The following SLC22A8 variants were observed in gnomAD, a reference collection of about 807,000 sequenced individuals.
SLC22A8 encodes the protein solute carrier family 22 member 8, also known as organic anion transporter 3.
A neutral mutation model predicts 48.4 loss-of-function variants in SLC22A8; 40 were observed. The ratio of observed to expected loss-of-function variants is 0.83; its 90% CI spans 0.64 to 1.08. The LOEUF (loss-of-function observed/expected upper bound fraction) is 1.08, where lower values mean the gene tolerates loss of function less well. Ranked by LOEUF, SLC22A8 falls within the 50% of genes least tolerant of loss-of-function variation. The pLI is 0.00. For missense variants in SLC22A8, 606 were observed against 699.0 expected, an observed-to-expected ratio of 0.87 and a Z score of 1.50; for synonymous variants, 268 against 286.3, an observed-to-expected ratio of 0.94 and a Z score of 0.65.
chr11:63,015,479 T>C (rs1026539092), intron 1 of SLC22A8, among the ~76,000 whole-genome samples: 3 of 152,202 alleles, frequency 2.0e-5, no homozygotes, highest in Non-Finnish European at 4.4e-5. Context: ...ATGTCCCCAG[T>C]TGCTCCAGGC....
chr11:63,014,487 G>A, intron 2 of SLC22A8, 139 bp downstream of exon 2: 1 of 717,204 alleles, frequency 1.4e-6, no homozygotes, highest in East Asian at 2.5e-5. Flanking sequence ...TCTGCACTCA[G>A]GTCCTTCCTC....
In SLC22A8 at chr11:62,994,582, CAGG is replaced by C; in HGVS notation, c.1173_1175del (p.Leu392del). ...TGAGAGCCAAGATGGCCCCTCCTGC[CAGG>C]AGCAGGGCAGCGGCCTGAGTGGTAT... On this transcript the variant is annotated inframe_deletion, in exon 8 of 11. Coordinates refer to ENST00000336232, the MANE Select transcript of SLC22A8 (RefSeq NM_004254.4). The C allele has an allele frequency of 6.2e-7, 1 of 1,613,448 alleles. No individual in the cohort carries two copies.
In SLC22A8 at chr11:62,993,603, G is replaced by A. The variant is rs1565293015; in HGVS notation, c.1350C>T (p.Asn450=). Residue 450 remains asparagine, a synonymous_variant, in exon 10 of 11, where the codon AAC becomes AAT. Transcript: ENST00000336232. ...CCATGCTTCCCACGCGGGTCCACAG[G>A]TTACTTACGCCCATACCTGTTTGCC... ...VIRQTGMGVS[N]LWTRVGSMVS... is the part of the protein sequence containing the mutation. 35 of 1,611,528 alleles carry A rather than the reference G, an allele frequency of 2.2e-5. No homozygotes were observed. Among genetic ancestry groups the A allele is most frequent in the Non-Finnish European group, 2.9e-5 (34 of 1,178,098 alleles).
chr11:63,006,853 C>T (rs532655392), intron 2 of SLC22A8, among the ~76,000 whole-genome samples: 7 of 151,928 alleles, frequency 4.6e-5, no homozygotes, highest in South Asian at 2.1e-4. Context: ...ATGATCCTCC[C>T]GCCTAGGCCT....
At chr11:63,007,617 G>A (rs1360135224) in intron 2 of SLC22A8, among the ~76,000 whole-genome samples, 2 of 152,174 alleles carry the variant, frequency 1.3e-5, no homozygotes, top group Non-Finnish European at 2.9e-5. Flanking sequence ...ATAAGCCACT[G>A]CGCCTGGCCT....
chr11:62,995,343 C>T (rs2086402741), intron 7 of SLC22A8: 1 of 340,912 alleles, frequency 2.9e-6, no homozygotes, highest in Non-Finnish European at 5.4e-6. Flanking sequence ...TTGGTCTAGC[C>T]TTGCTCTGTG....
At chr11:63,002,532 C>G (rs1280988392) in intron 2 of SLC22A8, among the ~76,000 whole-genome samples, 1 of 152,114 alleles carries the variant, frequency 6.6e-6, no homozygotes. Context: ...TTCCTTTCCC[C>G]AGCCCCTTCC....
At chr11:63,013,462 G>A (rs1322752981) in intron 2 of SLC22A8, among the ~76,000 whole-genome samples, 1 of 152,202 alleles carries the variant, frequency 6.6e-6, no homozygotes, top group Non-Finnish European at 1.5e-5. Context: ...AGGCAAAACA[G>A]GCTCCTGCCC....
At chr11:63,000,043 T>C (rs1016144752) in intron 3 of SLC22A8, among the ~76,000 whole-genome samples, 3 of 152,208 alleles carry the variant, frequency 2.0e-5, no homozygotes, top group Admixed American at 6.5e-5. Flanking sequence ...AGTTAATGAG[T>C]GATCTCCTCT....
intron 7 of SLC22A8, chr11:62,995,423 G>A (rs189439718): frequency 5.1e-5 from 25 of 493,934 alleles, no homozygotes; most frequent in Non-Finnish European, 6.5e-5. Flanking sequence ...GACACTGAGC[G>A]GCAGGGATGT....
At chr11:62,993,378 G>T (rs747420436) in intron 10 of SLC22A8, 42 bp from the exon 11 acceptor site, 5 of 1,612,406 alleles carry the variant, frequency 3.1e-6, no homozygotes, top group Non-Finnish European at 3.4e-6. Flanking sequence ...GCCCAGACCT[G>T]CTTCCCCAGG....
intron 2 of SLC22A8, among the ~76,000 whole-genome samples, chr11:63,010,490 C>G (rs1326470740): frequency 6.6e-6 from 1 of 152,216 alleles, no homozygotes; most frequent in Admixed American, 6.5e-5. Flanking sequence ...GCACCAGAAC[C>G]TGACCCAAGC....
chr11:63,000,966 A>T (rs1370135338), intron 2 of SLC22A8, 143 bp from the exon 3 acceptor site: 17 of 644,388 alleles, frequency 2.6e-5, no homozygotes, highest in Non-Finnish European at 4.8e-5. Context: ...TTCCTTTTTC[A>T]GCCCGGCTCG....
Position 62,992,858 on chromosome 11 carries a change from T to A in SLC22A8, c.*379A>T, listed in dbSNP as rs1413373470. The A allele has an allele frequency of 4.2e-6, 1 of 235,652 alleles. No homozygotes were observed. The highest frequency in any genetic ancestry group is 2.3e-5 in the African/African-American group (1 of 44,438). 14.6% of individuals were successfully genotyped at this position (235,652 alleles called of 1,614,324 possible). A position where few individuals can be genotyped will look rare whatever the true frequency, so the allele number is the denominator to read the frequency against. ...TATCGCTGTTTATTGAAACCTCCCA[T>A]CAAAGAAAAGTGTGGGAGGCAAGAA... On this transcript the variant is annotated 3_prime_UTR_variant, in exon 11 of 11. Transcript: ENST00000336232.
chr11:62,995,669 C>T (rs11568483), intron 7 of SLC22A8, 35 bp downstream of exon 7: 8 of 1,505,144 alleles, frequency 5.3e-6, no homozygotes, highest in Admixed American at 3.3e-5. Flanking sequence ...ATCACCCCTT[C>T]CTTGGCAGGG....
At chr11:63,000,670 G>A in intron 3 of SLC22A8, 50 bp downstream of exon 3, 1 of 1,331,882 alleles carries the variant, frequency 7.5e-7, no homozygotes. Flanking sequence ...GAGTAGGGAA[G>A]GGTTGTCCCC....
At chr11:62,998,584 G>A (rs2086450932) in intron 5 of SLC22A8, among the ~76,000 whole-genome samples, 1 of 152,154 alleles carries the variant, frequency 6.6e-6, no homozygotes, top group Non-Finnish European at 1.5e-5. Context: ...GATCAGGCCT[G>A]TAGCACCATA....
chr11:62,998,783 T>C, intron 5 of SLC22A8, 138 bp downstream of exon 5: 1 of 676,694 alleles, frequency 1.5e-6, no homozygotes, highest in Non-Finnish European at 2.6e-6. Flanking sequence ...ATGTAGTTCC[T>C]CCTCCCTGGA....
In SLC22A8 at chr11:63,000,795, A is replaced by C; in HGVS notation, c.362T>G (p.Leu121Arg). 6.2e-7 allele frequency: 1 copy of C among 1,613,982 alleles called. No individual in the cohort carries two copies. Among genetic ancestry groups the C allele is most frequent in the Non-Finnish European group, 8.5e-7 (1 of 1,179,870 alleles). Residue 121 changes from leucine (L) to arginine (R), a missense_variant, in exon 3 of 11, where the codon CTG becomes CGG. Leu to Arg is a moderately radical substitution (Grantham distance 102). Transcript: ENST00000336232. Reference sequence around the variant, plus strand: ...GAAGATAGACTGGGCCATCTCCTTCAGTTTGTTGGAGTTGCACACCAAGTC... The same window carrying C: ...GAAGATAGACTGGGCCATCTCCTTCCGTTTGTTGGAGTTGCACACCAAGTC... ...EWDLVCNSNK[L>R]KEMAQSIFMA...
Sources: gnomAD v4.1 joint callset for allele counts (sites outside exome capture counted in the v4.1 genomes callset) on GRCh38, gnomAD v4.1.1 for gene constraint, MANE v1.5 for transcripts, NCBI Gene and HGNC (gene_info 2026-07-23, HGNC 2026-07-21) for gene names.